Variants in CACNB2 observed in about 807,000 individuals in gnomAD.
The protein encoded by CACNB2 is voltage-dependent L-type calcium channel subunit beta-2.
A neutral mutation model predicts 73.3 loss-of-function variants in CACNB2; 42 were observed. The ratio of observed to expected loss-of-function variants is 0.57; its 90% confidence interval spans 0.45 to 0.74. The LOEUF is 0.74. Among genes scored for constraint, CACNB2 ranks in the 30% least tolerant of loss-of-function variants. CACNB2 has a pLI of 0.00. For synonymous variants in CACNB2, 348 were observed against 310.3 expected (o/e 1.12, Z -1.28); for missense variants, 940 against 853.0 (o/e 1.10, Z -1.27).
intron 2 of CACNB2, among the ~76,000 whole-genome samples, chr10:18,237,930 G>A (rs1410187242): frequency 6.6e-6 from 1 of 152,200 alleles, no homozygotes; most frequent in Non-Finnish European, 1.5e-5. Flanking sequence ...TTCACTGAGG[G>A]TTTCATGGCT....
chr10:18,365,962 C>G (rs1231908348), intron 2 of CACNB2, among the ~76,000 whole-genome samples: 1 of 152,214 alleles, frequency 6.6e-6, no homozygotes, highest in Non-Finnish European at 1.5e-5. Flanking sequence ...AGCCCTCTCA[C>G]TTCTCACAAA....
Position 18,539,722 on chromosome 10 carries a change from T to C in CACNB2, c.1981T>C (p.Ter661ArgextTer47). Residue 661 changes from the stop codon to arginine (R), a stop_lost, in exon 14 of 14, where the codon TGA becomes CGA. Transcript: ENST00000324631. Reference sequence around the variant, plus strand: ...GAACAGGGATGTTTACATCCGCCAATGAGTTTTGCCCGTTTGTGTTTTTTT... The same window carrying C: ...GAACAGGGATGTTTACATCCGCCAACGAGTTTTGCCCGTTTGTGTTTTTTT... ...EWNRDVYIRQ[*>R] 1 of 1,598,174 alleles carries C rather than the reference T, an allele frequency of 6.3e-7. No individual in the cohort carries two copies. The highest frequency in any genetic ancestry group is 8.5e-7 in the Non-Finnish European group (1 of 1,176,536).
At chr10:18,504,898 G>T (rs1195461910) in intron 5 of CACNB2, among the ~76,000 whole-genome samples, 1 of 152,178 alleles carries the variant, frequency 6.6e-6, no homozygotes, top group Non-Finnish European at 1.5e-5. Flanking sequence ...ACCCACCTTG[G>T]CCTACCAGAG....
At chr10:18,535,962 C>G in intron 11 of CACNB2, 139 bp from the exon 12 acceptor site, 1 of 613,270 alleles carries the variant, frequency 1.6e-6, no homozygotes, top group South Asian at 2.0e-5. Flanking sequence ...GTTAATTTTG[C>G]AGATAATCTT....
chr10:18,184,538 G>C (rs1304572309), intron 2 of CACNB2, among the ~76,000 whole-genome samples: 1 of 150,138 alleles, frequency 6.7e-6, no homozygotes, highest in South Asian at 2.1e-4. Flanking sequence ...AATTTTCTCA[G>C]TTTTTCCTTA....
At chr10:18,298,463 T>A (rs2039369962) in intron 2 of CACNB2, among the ~76,000 whole-genome samples, 1 of 152,180 alleles carries the variant, frequency 6.6e-6, no homozygotes. Context: ...AATGTTGATC[T>A]ATGTCATAGA....
intron 2 of CACNB2, among the ~76,000 whole-genome samples, chr10:18,288,676 TACAC>T (rs372916856): frequency 7.6e-5 from 11 of 144,418 alleles, no homozygotes; most frequent in Middle Eastern, 3.5e-3. Context: ...ATGAGATTTA[TACAC>T]ACACACACAC....
intron 2 of CACNB2, among the ~76,000 whole-genome samples, chr10:18,190,538 A>G (rs1343425258): frequency 6.6e-6 from 1 of 152,228 alleles, no homozygotes; most frequent in Non-Finnish European, 1.5e-5. Flanking sequence ...TTACTAATTT[A>G]TTTAATGAGT....
chr10:18,501,556 G>A (rs1233659056), intron 5 of CACNB2, among the ~76,000 whole-genome samples: 1 of 152,242 alleles, frequency 6.6e-6, no homozygotes, highest in Non-Finnish European at 1.5e-5. Context: ...GTCCCTCTCT[G>A]AAAGAATCAC....
rs548927747 is a variant in CACNB2 at position 18,153,302 on chromosome 10, G to A, written c.213+2327G>A. Among the ~76,000 whole-genome samples the A allele has an allele frequency of 3.0e-3, 460 of 152,192 alleles. 2 individuals carry two copies. Among genetic ancestry groups the A allele is most frequent in the South Asian group, 0.019 (92 of 4,816 alleles). On this transcript the variant is annotated intron_variant, in intron 2 of 13. Transcript: ENST00000324631. ...CTTTTGGGGTAATGATTACACAGGC[G>A]TATCATTGAAAACCCTCAAATGCTG...
At chr10:18,532,692 A>AAAAC (rs2053170153) in intron 10 of CACNB2, among the ~76,000 whole-genome samples, 11 of 87,516 alleles carry the variant, frequency 1.3e-4, no homozygotes, top group Admixed American at 8.9e-4. Context: ...AAAAAAAAAA[A>AAAAC]AAAACAAAAC....
chr10:18,212,914 T>C (rs2035374539), intron 2 of CACNB2, among the ~76,000 whole-genome samples: 1 of 152,240 alleles, frequency 6.6e-6, no homozygotes, highest in Non-Finnish European at 1.5e-5. Flanking sequence ...TAGTTAATTA[T>C]GATATATGAC....
chr10:18,322,219 G>C (rs533706124), intron 2 of CACNB2, among the ~76,000 whole-genome samples: 6 of 152,104 alleles, frequency 3.9e-5, no homozygotes, highest in Non-Finnish European at 7.4e-5. Flanking sequence ...AGAAATCAGA[G>C]AGTATTAACT....
intron 2 of CACNB2, among the ~76,000 whole-genome samples, chr10:18,300,175 C>T (rs1286644409): frequency 6.6e-6 from 1 of 152,150 alleles, no homozygotes; most frequent in African/African-American, 2.4e-5. Context: ...GCGTGCATCA[C>T]CATGCCTGGC....
intron 3 of CACNB2, among the ~76,000 whole-genome samples, chr10:18,426,716 TC>T (rs1409350348): frequency 6.6e-6 from 1 of 152,164 alleles, no homozygotes; most frequent in African/African-American, 2.4e-5. Context: ...TTCTGTTTCT[TC>T]CACTCCAGTC....
intron 2 of CACNB2, among the ~76,000 whole-genome samples, chr10:18,353,474 G>T (rs555161995): frequency 6.6e-6 from 1 of 151,666 alleles, no homozygotes; most frequent in East Asian, 1.9e-4. Context: ...AAAAGTCTTA[G>T]TTAAGGACAT....
intron 2 of CACNB2, among the ~76,000 whole-genome samples, chr10:18,217,215 G>A (rs982778945): frequency 6.6e-6 from 1 of 152,176 alleles, no homozygotes; most frequent in East Asian, 1.9e-4. Flanking sequence ...TGTGCAAGCT[G>A]GCTCACACCT....
chr10:18,530,930 G>T (rs1299886231), intron 10 of CACNB2, among the ~76,000 whole-genome samples: 1 of 152,214 alleles, frequency 6.6e-6, no homozygotes, highest in Non-Finnish European at 1.5e-5. Context: ...TTGATATGTG[G>T]CAGTGGGAAC....
At chr10:18,374,339 A>T (rs1463073923) in intron 2 of CACNB2, among the ~76,000 whole-genome samples, 1 of 152,182 alleles carries the variant, frequency 6.6e-6, no homozygotes, top group Admixed American at 6.5e-5. Context: ...AGAGAGAGGG[A>T]TTGATCCTGA....
Sources: allele counts gnomAD v4.1 joint callset (sites outside exome capture counted in the v4.1 genomes callset), GRCh38; gene constraint gnomAD v4.1.1; transcripts MANE v1.5; gene names NCBI Gene and HGNC (gene_info 2026-07-23, HGNC 2026-07-21).